Variants in PCLO observed in about 807,000 individuals in gnomAD.
PCLO encodes piccolo presynaptic cytomatrix protein, also known as protein piccolo.
In PCLO, 82 loss-of-function variants were observed where a neutral mutation model predicts 427.5. The observed-to-expected ratio is 0.19, with a 90% CI of 0.16 to 0.23. The LOEUF (loss-of-function observed/expected upper bound fraction) is 0.23, where lower values mean the gene tolerates loss of function less well. Among genes scored for constraint, PCLO ranks in the 10% least tolerant of loss-of-function variants. PCLO has a pLI of 1.00. For missense variants in PCLO, 6,239 were observed against 6,115.9 expected, an observed-to-expected ratio of 1.02 and a Z score of -0.67; for synonymous variants, 2,357 against 2,155.4, an observed-to-expected ratio of 1.09 and a Z score of -2.59.
At chr7:82,976,275 G>A (rs1006473694) in intron 3 of PCLO, among the ~76,000 whole-genome samples, 12 of 152,058 alleles carry the variant, frequency 7.9e-5, no homozygotes, top group East Asian at 7.7e-4. Context: ...AGTGAGAAGG[G>A]ACAGGCATTC....
intron 3 of PCLO, among the ~76,000 whole-genome samples, chr7:83,046,852 AAT>A (rs1789115792): frequency 6.6e-6 from 1 of 151,998 alleles, no homozygotes; most frequent in African/African-American, 2.4e-5. Context: ...TTTGTTCATA[AAT>A]ATGGAACATT....
chr7:83,007,709 G>T (rs756866892), intron 3 of PCLO, among the ~76,000 whole-genome samples: 37 of 151,508 alleles, frequency 2.4e-4, no homozygotes, highest in Non-Finnish European at 4.6e-4. Context: ...CAGACTGCCT[G>T]GGTTTGGTTA....
At chr7:82,821,644 T>G in intron 20 of PCLO, 1 of 967,650 alleles carries the variant, frequency 1.0e-6, no homozygotes, top group Non-Finnish European at 1.2e-6. Flanking sequence ...ATACAGCAGT[T>G]AAGATAGGTC....
At chr7:82,792,816 T>A (rs2129468447) in intron 22 of PCLO, among the ~76,000 whole-genome samples, 1 of 152,240 alleles carries the variant, frequency 6.6e-6, no homozygotes, top group South Asian at 2.1e-4. Context: ...GCCTTTATAA[T>A]ATATGGGCTT....
chr7:82,939,222 T>G (rs1584184991), intron 6 of PCLO, among the ~76,000 whole-genome samples: 1 of 152,076 alleles, frequency 6.6e-6, no homozygotes, highest in African/African-American at 2.4e-5. Context: ...TATTTTACAT[T>G]TCTGGACATG....
intron 3 of PCLO, among the ~76,000 whole-genome samples, chr7:83,012,558 G>A (rs752960061): frequency 1.0e-3 from 155 of 149,146 alleles, no homozygotes; most frequent in Non-Finnish European, 1.6e-3. Context: ...CAGAGGTTGC[G>A]GTGAGCCGAG....
rs565576368 is a variant in PCLO at position 82,975,155 on chromosome 7, A to T, written c.3301-8668T>A. Among the ~76,000 whole-genome samples, 27 of 152,312 alleles carry T rather than the reference A, an allele frequency of 1.8e-4. No individual in the cohort carries two copies. The East Asian group carries it at 5.2e-3, about 29-fold the overall frequency. The stretch of plus-strand genomic sequence containing the variant: ...CATCAAAGCAAAAAAACTTAGACTT[A>T]AGCCTAAGTTAGTCACTAGTCAGCA... On this transcript the variant is annotated intron_variant, in intron 3 of 24. Coordinates refer to ENST00000333891, the MANE Select transcript of PCLO (RefSeq NM_033026.6).
intron 9 of PCLO, among the ~76,000 whole-genome samples, chr7:82,881,353 T>C (rs1470604821): frequency 6.6e-6 from 1 of 152,224 alleles, no homozygotes; most frequent in Non-Finnish European, 1.5e-5. Context: ...ATTTGATTTC[T>C]AGTAGCTGAG....
intron 3 of PCLO, among the ~76,000 whole-genome samples, chr7:83,070,766 TG>T (rs1322956257): frequency 6.6e-6 from 1 of 152,164 alleles, no homozygotes; most frequent in Non-Finnish European, 1.5e-5. Flanking sequence ...CAACAGAAAC[TG>T]ATCCAAATAA....
chr7:82,783,751 C>T (rs1473783861), intron 22 of PCLO, among the ~76,000 whole-genome samples: 1 of 144,156 alleles, frequency 6.9e-6, no homozygotes, highest in Non-Finnish European at 1.5e-5. Flanking sequence ...AAGAATATAT[C>T]ATAAGAACTC....
rs375579115 is a variant in PCLO, at chr7:82,983,425, C to A, written c.3301-16938G>T. Reference sequence around the variant, plus strand: ...TACTTCATAATAAACAATATTATAGCTAATGTTTAATTTATTAAAATACTT... The same window carrying A: ...TACTTCATAATAAACAATATTATAGATAATGTTTAATTTATTAAAATACTT... On this transcript the variant is annotated intron_variant, in intron 3 of 24. Transcript: ENST00000333891. Among the ~76,000 whole-genome samples, 170 of 150,794 alleles carry A rather than the reference C, an allele frequency of 1.1e-3. No homozygotes were observed. In the East Asian group the frequency reaches 0.014, roughly 13 times the overall value.
At chr7:82,832,380 T>G (rs1025923792) in intron 16 of PCLO, among the ~76,000 whole-genome samples, 41 of 151,840 alleles carry the variant, frequency 2.7e-4, no homozygotes, top group African/African-American at 8.0e-4. Context: ...GCCTCCTGAG[T>G]AGCTGGGACT....
Position 83,162,552 on chromosome 7 carries a change from T to G in PCLO, c.41A>C (p.Glu14Ala). The part of the protein sequence containing the change: ...EASLEGEGLP[E>A]GLAAAAAAGG... ...AGCCGCTGCGGCCGCCGCCAGCCCTTCGGGGAGCCCTTCCCCTTCCAAGCT... is the reference window on the plus strand; with the variant it reads ...AGCCGCTGCGGCCGCCGCCAGCCCTGCGGGGAGCCCTTCCCCTTCCAAGCT... The change falls in exon 1 of 25, where the codon GAA becomes GCA. Residue 14 changes from glutamate to alanine, a missense_variant. Glu to Ala is a moderately radical substitution (Grantham distance 107). This residue lies in a region of PCLO where 4,677 missense variants were observed against 4,468.4 expected (regional missense o/e 1.05). Transcript: ENST00000333891. 2 of 1,552,032 alleles carry G rather than the reference T, an allele frequency of 1.3e-6. No individual in the cohort carries two copies. Among genetic ancestry groups the G allele is most frequent in the Non-Finnish European group, 8.7e-7 (1 of 1,149,268 alleles).
Position 83,155,580 on chromosome 7 carries a change from T to G in PCLO, c.1061A>C (p.Gln354Pro), listed in dbSNP as rs765760209. ...QQPGTVKPPVQPPGTTKPPAQ... is the reference protein window; with the variant it reads ...QQPGTVKPPVPPPGTTKPPAQ... ...TGGAGGCTTTGTTGTCCCTGGTGGC[T>G]GGACTGGGGGTTTCACTGTCCCTGG... Residue 354 changes from glutamine (Q) to proline (P), a missense_variant, in exon 2 of 25, where the codon CAG becomes CCG. Gln to Pro is a moderately conservative substitution (Grantham distance 76, BLOSUM62 -1). This residue lies in a region of PCLO where 4,677 missense variants were observed against 4,468.4 expected (regional missense o/e 1.05). Transcript: ENST00000333891. 6.2e-7 allele frequency: 1 copy of G among 1,612,470 alleles called. No homozygotes were observed. Among genetic ancestry groups the G allele is most frequent in the Non-Finnish European group, 8.5e-7 (1 of 1,179,222 alleles).
At position 82,955,043 on chromosome 7, in the gene PCLO, A is replaced by T; in HGVS notation, c.5910T>A (p.Asp1970Glu). Reference protein sequence around the residue: ...LVEDTYNGSVDGSLLTRQEEE... With the variant: ...LVEDTYNGSVEGSLLTRQEEE... ...CTTCTTGCCTTGTTAGCAGACTGCC[A>T]TCTACCGATCCATTGTACGTGTCTT... Residue 1970 changes from aspartate to glutamate, a missense_variant, in exon 5 of 25, where the codon GAT becomes GAA. By Grantham distance (45) the Asp-to-Glu change is conservative. This residue lies in a region of PCLO where 4,677 missense variants were observed against 4,468.4 expected (regional missense o/e 1.05). Coordinates refer to ENST00000333891, the MANE Select transcript of PCLO (RefSeq NM_033026.6). 6.2e-7 allele frequency: 1 copy of T among 1,613,808 alleles called. No homozygotes were observed. The highest frequency in any genetic ancestry group is 1.1e-5 in the South Asian group (1 of 91,082).
chr7:82,893,594 A>G (rs1793827629), intron 9 of PCLO, among the ~76,000 whole-genome samples: 1 of 151,994 alleles, frequency 6.6e-6, no homozygotes, highest in Non-Finnish European at 1.5e-5. Flanking sequence ...ATAAATAGAA[A>G]AAGAAAAAAA....
chr7:82,937,840 T>A (rs1295115497), intron 6 of PCLO, among the ~76,000 whole-genome samples: 3 of 151,822 alleles, frequency 2.0e-5, no homozygotes, highest in Admixed American at 6.6e-5. Context: ...TACCAAAAAA[T>A]TTCAGTTGTG....
chr7:83,011,734 C>A (rs188236980), intron 3 of PCLO, among the ~76,000 whole-genome samples: 1 of 152,134 alleles, frequency 6.6e-6, no homozygotes, highest in African/African-American at 2.4e-5. Context: ...TGCTTTACAT[C>A]TGGTACACAC....
At chr7:83,156,867 G>A (rs1792316138) in intron 1 of PCLO, among the ~76,000 whole-genome samples, 1 of 151,988 alleles carries the variant, frequency 6.6e-6, no homozygotes, top group South Asian at 2.1e-4. Flanking sequence ...TAGCAGCATT[G>A]AGAATTAAAA....
Sources: gnomAD v4.1 joint callset for allele counts (sites outside exome capture counted in the v4.1 genomes callset) on GRCh38, gnomAD v4.1.1 for gene constraint, gnomAD v4.1.1 regional missense constraint, MANE v1.5 for transcripts, NCBI Gene and HGNC (gene_info 2026-07-23, HGNC 2026-07-21) for gene names.